PTPRD: variants seen among roughly 807,000 people sequenced by gnomAD.
PTPRD encodes protein tyrosine phosphatase receptor type D, also known as receptor-type tyrosine-protein phosphatase delta.
In PTPRD, 34 loss-of-function variants were observed where a neutral mutation model predicts 214.5. The observed-to-expected ratio is 0.16, with a 90% CI of 0.12 to 0.21. The LOEUF (loss-of-function observed/expected upper bound fraction) is 0.21, where lower values mean the gene tolerates loss of function less well. Among genes scored for constraint, PTPRD ranks in the 10% least tolerant of loss-of-function variants. The pLI is 1.00. For missense variants in PTPRD, 2,545 were observed against 2,398.7 expected (o/e 1.06, Z -1.27); for synonymous variants, 1,128 against 845.7 (o/e 1.33, Z -5.79).
intron 2 of PTPRD, among the ~76,000 whole-genome samples, chr9:10,540,179 A>C (rs529226621): frequency 3.9e-5 from 6 of 152,182 alleles, no homozygotes; most frequent in African/African-American, 1.4e-4. Context: ...ACTGGCGTGC[A>C]CCACTATGCC....
chr9:9,561,090 G>C (rs183498736), intron 8 of PTPRD, among the ~76,000 whole-genome samples: 149 of 152,226 alleles, frequency 9.8e-4, no homozygotes, highest in African/African-American at 3.5e-3. Context: ...GCAGTTATAC[G>C]TTTCACAGAC....
intron 2 of PTPRD, among the ~76,000 whole-genome samples, chr9:10,413,299 T>C (rs979755587): frequency 6.6e-6 from 1 of 151,940 alleles, no homozygotes; most frequent in Non-Finnish European, 1.5e-5. Flanking sequence ...GTCAATAGTA[T>C]TCCTGTACAC....
chr9:9,058,476 A>G (rs1345256208), intron 10 of PTPRD, among the ~76,000 whole-genome samples: 1 of 23,122 alleles, frequency 4.3e-5, no homozygotes, highest in African/African-American at 6.7e-5. Context: ...TTTGAGACGG[A>G]GTCTCGCTGT....
At chr9:9,417,614 T>A (rs1043090733) in intron 8 of PTPRD, among the ~76,000 whole-genome samples, 2 of 152,018 alleles carry the variant, frequency 1.3e-5, no homozygotes, top group African/African-American at 4.8e-5. Flanking sequence ...GAAGTTGAGT[T>A]AAAAAATTAT....
At chr9:10,327,101 T>A (rs1565315048) in intron 3 of PTPRD, among the ~76,000 whole-genome samples, 1 of 150,534 alleles carries the variant, frequency 6.6e-6, no homozygotes, top group African/African-American at 2.4e-5. Context: ...TGCACATATA[T>A]CATGTACATT....
rs933774863 is a variant in PTPRD, at chr9:10,166,373, G to A, written c.-544-132583C>T. Among the ~76,000 whole-genome samples the A allele has an allele frequency of 4.8e-5, 7 of 146,860 alleles. No individual in the cohort carries two copies. In the Admixed American group the frequency reaches 4.8e-4, roughly 10 times the overall value. ...CTTGCTTTTTTCTGATGCCAATGCT[G>A]ATTTTTTTTTGTTTGTTTACTTAAA... On this transcript the variant is annotated intron_variant, in intron 3 of 45. Transcript: ENST00000381196.
chr9:8,473,489 C>T lies in PTPRD; in HGVS notation c.3414-2404G>A, dbSNP rs897627810. Among the ~76,000 whole-genome samples, 4 of 152,152 alleles carry T rather than the reference C, an allele frequency of 2.6e-5. No homozygotes were observed. In the South Asian group the frequency reaches 6.2e-4, roughly 24 times the overall value. On this transcript the variant is annotated intron_variant, in intron 30 of 45. Transcript: ENST00000381196. ...ACACTGCAGATGTGCTTGATAAACACACTTGTCAAGGAACCTCTTGCTTTT... is the reference window on the plus strand; with the variant it reads ...ACACTGCAGATGTGCTTGATAAACATACTTGTCAAGGAACCTCTTGCTTTT...
At chr9:8,874,211 G>C (rs941276500) in intron 11 of PTPRD, among the ~76,000 whole-genome samples, 2 of 152,154 alleles carry the variant, frequency 1.3e-5, no homozygotes, top group Admixed American at 1.3e-4. Flanking sequence ...ATGGTTCAGT[G>C]ACTTGCCCAT....
chr9:8,500,697 ACAG>A lies in PTPRD; in HGVS notation c.2128+54_2128+56del, dbSNP rs1283477375. On this transcript the variant is annotated intron_variant, in intron 24 of 45. Coordinates refer to ENST00000381196, the MANE Select transcript of PTPRD (RefSeq NM_002839.4). The stretch of plus-strand genomic sequence containing the variant: ...AAGATTACTGTGAGCCTATTGAAAG[ACAG>A]CAGATCAAGACTGTGTCAGAAGGGT... 2.0e-5 allele frequency: 30 copies of A among 1,536,682 alleles called. No homozygotes were observed. The South Asian group carries it at 3.0e-4, about 15-fold the overall frequency.
At chr9:8,611,748 GA>G (rs1239518799) in intron 14 of PTPRD, among the ~76,000 whole-genome samples, 2 of 127,940 alleles carry the variant, frequency 1.6e-5, no homozygotes, top group Admixed American at 8.4e-5. Flanking sequence ...GAAAAGAAAA[GA>G]AAAGAGAAAA....
intron 3 of PTPRD, among the ~76,000 whole-genome samples, chr9:10,282,146 T>A (rs2095148378): frequency 6.6e-6 from 1 of 152,166 alleles, no homozygotes; most frequent in Non-Finnish European, 1.5e-5. Context: ...GAACTGGGTT[T>A]GAATCCAGAC....
chr9:9,512,379 T>C (rs530582793), intron 8 of PTPRD, among the ~76,000 whole-genome samples: 2 of 151,816 alleles, frequency 1.3e-5, no homozygotes, highest in African/African-American at 2.4e-5. Context: ...AAAAATATAA[T>C]CTTTTTAAAG....
At position 9,752,706 on chromosome 9, in the gene PTPRD, G is replaced by C. The variant is rs527997297; in HGVS notation, c.-326+14104C>G. ...GGGAAGGAGATGCAGTGGGGACGGA[G>C]GGCAAGTATTTTTACACTAAAATTA... On this transcript the variant is annotated intron_variant, in intron 6 of 45. Transcript: ENST00000381196. 2.2e-3 allele frequency among the ~76,000 whole-genome samples: 340 copies of C among 152,024 alleles called. 1 individual carries two copies. Among genetic ancestry groups the C allele is most frequent in the African/African-American group, 7.7e-3 (321 of 41,514 alleles).
At chr9:9,715,171 T>C (rs749193617) in intron 7 of PTPRD, among the ~76,000 whole-genome samples, 30 of 152,236 alleles carry the variant, frequency 2.0e-4, no homozygotes, top group Non-Finnish European at 3.4e-4. Flanking sequence ...TAAAGCAAGA[T>C]GTTTTGATTA....
Position 9,656,539 on chromosome 9 carries a change from A to G in PTPRD, c.-287+77994T>C, listed in dbSNP as rs552048639. On this transcript the variant is annotated intron_variant, in intron 7 of 45. Coordinates refer to ENST00000381196, the MANE Select transcript of PTPRD (RefSeq NM_002839.4). Reference sequence around the variant, plus strand: ...CTACATACTGCATGATTCCAATTACATGAAATTCTAAAAAATAATAAATAA... The same window carrying G: ...CTACATACTGCATGATTCCAATTACGTGAAATTCTAAAAAATAATAAATAA... Among the ~76,000 whole-genome samples, 3 of 152,324 alleles carry G rather than the reference A, an allele frequency of 2.0e-5. No homozygotes were observed. In the East Asian group the frequency reaches 5.8e-4, roughly 29 times the overall value.
chr9:9,237,437 A>C (rs1018453790), intron 9 of PTPRD, among the ~76,000 whole-genome samples: 10 of 152,182 alleles, frequency 6.6e-5, no homozygotes, highest in South Asian at 2.1e-4. Flanking sequence ...CTTTACAACA[A>C]CACCACCACC....
At chr9:10,244,124 T>TC (rs2091654633) in intron 3 of PTPRD, among the ~76,000 whole-genome samples, 1 of 151,816 alleles carries the variant, frequency 6.6e-6, no homozygotes, top group African/African-American at 2.4e-5. Flanking sequence ...ATTGTAGTAA[T>TC]CTAATGGTAT....
At chr9:8,794,343 C>G (rs1399421864) in intron 11 of PTPRD, among the ~76,000 whole-genome samples, 1 of 152,070 alleles carries the variant, frequency 6.6e-6, no homozygotes, top group Non-Finnish European at 1.5e-5. Context: ...AATACTTAAG[C>G]CCATTTTACA....
chr9:8,640,784 C>T (rs373025143), intron 12 of PTPRD, among the ~76,000 whole-genome samples: 127 of 151,724 alleles, frequency 8.4e-4, no homozygotes, highest in African/African-American at 2.9e-3. Flanking sequence ...TTTCTAGATT[C>T]GCCCACAAGA....
Sources: gnomAD v4.1 joint callset for allele counts (sites outside exome capture counted in the v4.1 genomes callset) on GRCh38, gnomAD v4.1.1 for gene constraint, MANE v1.5 for transcripts, NCBI Gene and HGNC (gene_info 2026-07-23, HGNC 2026-07-21) for gene names.